Variants in COL21A1 observed in about 807,000 individuals in gnomAD.
COL21A1 encodes collagen type XXI alpha 1 chain.
In COL21A1, 149 loss-of-function variants were observed where a neutral mutation model predicts 137.9. The observed-to-expected ratio is 1.08, with a 90% CI of 0.95 to 1.24. The LOEUF (loss-of-function observed/expected upper bound fraction) is 1.24. COL21A1 is among the 50% of genes most tolerant of loss of function. The probability of loss-of-function intolerance (pLI) is 0.00; values close to 1 mark genes in which losing one functional copy is unlikely to be tolerated. For synonymous variants in COL21A1, 456 were observed against 391.5 expected (o/e 1.16, Z -1.95); for missense variants, 1,167 against 1,158.4 (o/e 1.01, Z -0.11).
At chr6:56,206,065 A>G (rs1212403942) in intron 1 of COL21A1, among the ~76,000 whole-genome samples, 1 of 152,208 alleles carries the variant, frequency 6.6e-6, no homozygotes, top group Non-Finnish European at 1.5e-5. Context: ...CTATGAAGAA[A>G]CTGCATCAAC....
rs751500082 is a variant in COL21A1, at chr6:56,060,990, T to G, written c.2253A>C (p.Lys751Asn). Residue 751 changes from lysine (K) to asparagine (N), a missense_variant, in exon 26 of 30, where the codon AAA becomes AAC. Transcript: ENST00000244728. ...TCAAGCCATCCACCCCAGATTCTCC[T>G]TTTGATCCAATGGCACCTCGGACAC... is the stretch of plus-strand genomic sequence containing the variant. The part of the protein sequence containing the change: ...EPGVRGAIGS[K>N]GESGVDGLMG... 1 of 1,610,082 alleles carries G rather than the reference T, an allele frequency of 6.2e-7. No homozygotes were observed. Among genetic ancestry groups the G allele is most frequent in the Admixed American group, 1.7e-5 (1 of 59,136 alleles).
chr6:56,168,026 A>G (rs1442449638), intron 6 of COL21A1, 98 bp downstream of exon 6: 6 of 834,394 alleles, frequency 7.2e-6, no homozygotes, highest in Non-Finnish European at 8.7e-6. Context: ...GGGAATTCAT[A>G]AGTATGTTAA....
At chr6:56,152,640 C>G (rs742497) in intron 10 of COL21A1, among the ~76,000 whole-genome samples, 4,632 of 151,974 alleles carry the variant, frequency 0.03, 176 homozygotes, top group African/African-American at 0.084. Flanking sequence ...ATCAGGCTAA[C>G]AATAATTCAC....
chr6:56,275,753 C>A (rs76947721), intron 1 of COL21A1, among the ~76,000 whole-genome samples: 1 of 152,130 alleles, frequency 6.6e-6, no homozygotes, highest in African/African-American at 2.4e-5. Context: ...GGGAAAAGGG[C>A]ATGCTTATAC....
chr6:56,100,225 T>C (rs1193475508), intron 17 of COL21A1, among the ~76,000 whole-genome samples: 1 of 152,206 alleles, frequency 6.6e-6, no homozygotes, highest in Non-Finnish European at 1.5e-5. Flanking sequence ...AGATGAGTTC[T>C]CTCTTTCCTG....
At chr6:56,158,253 C>CTTTTTTTTTTTTTGTTTTTTTTTT (rs59381031) in intron 9 of COL21A1, among the ~76,000 whole-genome samples, 1 of 104,926 alleles carries the variant, frequency 9.5e-6, no homozygotes, top group African/African-American at 3.7e-5. Context: ...TGGGTTTTTT[C>CTTTTTTTTTTTTTGTTTTTTTTTT]TTTTTTTTTT....
intron 3 of COL21A1, among the ~76,000 whole-genome samples, chr6:56,171,448 T>C (rs1331415043): frequency 1.3e-5 from 2 of 151,868 alleles, no homozygotes; most frequent in African/African-American, 4.8e-5. Flanking sequence ...TGAGACAATA[T>C]AACACCTATG....
chr6:56,222,076 C>T (rs1780865139), intron 1 of COL21A1, among the ~76,000 whole-genome samples: 3 of 151,884 alleles, frequency 2.0e-5, no homozygotes, highest in Non-Finnish European at 4.4e-5. Flanking sequence ...AATTCGAGAC[C>T]AGCCTGACCA....
At chr6:56,180,346 G>A (rs537651459) in intron 2 of COL21A1, among the ~76,000 whole-genome samples, 1 of 152,216 alleles carries the variant, frequency 6.6e-6, no homozygotes, top group African/African-American at 2.4e-5. Flanking sequence ...ACCAACTCCA[G>A]GACTTAGCTA....
chr6:56,083,720 TAA>T (rs1767986981), intron 17 of COL21A1, among the ~76,000 whole-genome samples: 2 of 152,034 alleles, frequency 1.3e-5, no homozygotes, highest in South Asian at 2.1e-4. Flanking sequence ...CTACTAATAC[TAA>T]GTCAATAATA....
intron 17 of COL21A1, among the ~76,000 whole-genome samples, chr6:56,098,616 A>AAT (rs1240771585): frequency 4.4e-4 from 3 of 6,748 alleles, no homozygotes; most frequent in African/African-American, 1.7e-3. Flanking sequence ...AATATATATA[A>AAT]ATATATATAA....
At chr6:56,134,800 T>A (rs1031335030) in intron 12 of COL21A1, among the ~76,000 whole-genome samples, 1 of 152,226 alleles carries the variant, frequency 6.6e-6, no homozygotes, top group African/African-American at 2.4e-5. Flanking sequence ...CTTTGCCTGC[T>A]GCCATCCATG....
chr6:56,154,602 T>A (rs972192917), intron 10 of COL21A1, among the ~76,000 whole-genome samples: 6 of 152,290 alleles, frequency 3.9e-5, no homozygotes, highest in African/African-American at 1.4e-4. Flanking sequence ...TACAAACTAC[T>A]CTTACCACTC....
chr6:56,209,694 T>A (rs911215644), intron 1 of COL21A1, among the ~76,000 whole-genome samples: 2 of 152,152 alleles, frequency 1.3e-5, no homozygotes, highest in African/African-American at 2.4e-5. Context: ...GTAAATTAGT[T>A]CAACCATTGT....
intron 1 of COL21A1, among the ~76,000 whole-genome samples, chr6:56,258,683 C>T (rs1763175460): frequency 6.6e-6 from 1 of 152,122 alleles, no homozygotes; most frequent in African/African-American, 2.4e-5. Context: ...TGAGTCAGTG[C>T]TGGCAAGTTT....
chr6:56,368,181 G>A lies in COL21A1; in HGVS notation c.-39+25790C>T, dbSNP rs189955784. Among the ~76,000 whole-genome samples, 50 of 152,074 alleles carry A rather than the reference G, an allele frequency of 3.3e-4. 1 individual carries two copies. The highest frequency in any genetic ancestry group is 3.2e-3 in the Admixed American group (49 of 15,270). On this transcript the variant is annotated intron_variant, in intron 1 of 28. Transcript: ENST00000370819. ...GTCCTTTGACTCAACTAAGCAGGGGGGTATTTGCAGAATATTTGTAATTTT... is the reference window on the plus strand; with the variant it reads ...GTCCTTTGACTCAACTAAGCAGGGGAGTATTTGCAGAATATTTGTAATTTT...
Position 56,179,174 on chromosome 6 carries a change from A to G in COL21A1, c.640+404T>C, listed in dbSNP as rs578200559. Among the ~76,000 whole-genome samples, 3 of 151,674 alleles carry G rather than the reference A, an allele frequency of 2.0e-5. No individual in the cohort carries two copies. In the East Asian group the frequency reaches 5.8e-4, roughly 29 times the overall value. On this transcript the variant is annotated intron_variant, in intron 3 of 29. Transcript: ENST00000244728. ...AAGGATAAACTAAAACACACTGGGG[A>G]AAAAAGGAAAAAAACTAGAATGTAA...
intron 5 of COL21A1, among the ~76,000 whole-genome samples, chr6:56,168,845 G>A (rs1266139142): frequency 6.6e-6 from 1 of 151,756 alleles, no homozygotes; most frequent in African/African-American, 2.4e-5. Context: ...CATTCCTCCA[G>A]GCCAATTATC....
chr6:56,237,898 T>G (rs1782016188), intron 1 of COL21A1, among the ~76,000 whole-genome samples: 1 of 152,164 alleles, frequency 6.6e-6, no homozygotes, highest in Admixed American at 6.6e-5. Context: ...ATTCTCCCAG[T>G]GCCTCCACAG....
Sources: gnomAD v4.1 joint callset for allele counts (sites outside exome capture counted in the v4.1 genomes callset) on GRCh38, gnomAD v4.1.1 for gene constraint, MANE v1.5 for transcripts, NCBI Gene and HGNC (gene_info 2026-07-23, HGNC 2026-07-21) for gene names.